The following PIEZO1 variants were observed in gnomAD, a reference collection of about 807,000 sequenced individuals.
PIEZO1 encodes piezo type mechanosensitive ion channel component 1 (Er blood group).
Under a neutral mutation model 297.2 loss-of-function variants are expected in PIEZO1, and 296 were observed. The ratio of observed to expected loss-of-function variants is 1.00; its 90% CI spans 0.91 to 1.10. The LOEUF is 1.10. Ranked by LOEUF, PIEZO1 falls within the 50% of genes least tolerant of loss-of-function variation. The pLI is 0.00. For missense variants in PIEZO1, 5,018 were observed against 3,455.5 expected (o/e 1.45, Z -11.34); for synonymous variants, 2,427 against 1,507.5 (o/e 1.61, Z -14.13).
rs34606201 is a variant in PIEZO1, at chr16:88,726,324, C to A, written c.3928G>T (p.Val1310Phe). Reference sequence around the variant, plus strand: ...GCGGTGGCCTGGAGGTCGGCCCTGACGTGCAGGTAGTAATGGCTAAGGAAG... The same window carrying A: ...GCGGTGGCCTGGAGGTCGGCCCTGAAGTGCAGGTAGTAATGGCTAAGGAAG... ...RVFLSHYYLH[V>F]RADLQATALL... is the part of the protein sequence containing the mutation. The change falls in exon 27 of 51, where the codon GTC becomes TTC. Residue 1310 changes from valine to phenylalanine, a missense_variant. Transcript: ENST00000301015. 3 of 1,550,290 alleles carry A rather than the reference C, an allele frequency of 1.9e-6. No individual in the cohort carries two copies. Among genetic ancestry groups the A allele is most frequent in the Non-Finnish European group, 2.6e-6 (3 of 1,146,910 alleles).
At chr16:88,768,660 G>A (rs985535716) in intron 1 of PIEZO1, among the ~76,000 whole-genome samples, 5 of 152,212 alleles carry the variant, frequency 3.3e-5, no homozygotes, top group Non-Finnish European at 5.9e-5. Context: ...CCTCTCAGCC[G>A]CTCCTCCCTT....
chr16:88,727,028 G>C lies in PIEZO1; in HGVS notation c.3455+11C>G, dbSNP rs547081373. 8 of 1,548,080 alleles carry C rather than the reference G, an allele frequency of 5.2e-6. No individual in the cohort carries two copies. The highest frequency in any genetic ancestry group is 7.0e-6 in the Non-Finnish European group (8 of 1,145,154). On this transcript the variant is annotated intron_variant, in intron 24 of 50. Coordinates refer to ENST00000301015, the MANE Select transcript of PIEZO1 (RefSeq NM_001142864.4). ...CAGAAGGTTCCCCGTGGAGGGTGAC[G>C]TGGAACCCACCTGCAGTGGATAAAG... is the stretch of plus-strand genomic sequence containing the variant.
In PIEZO1 at chr16:88,742,326, C is replaced by T. The variant is rs764666122; in HGVS notation, c.257G>A (p.Arg86His). The T allele has an allele frequency of 2.0e-5, 30 of 1,534,848 alleles. No individual in the cohort carries two copies. The East Asian group carries it at 2.2e-4, about 11-fold the overall frequency. Residue 86 changes from arginine to histidine, a missense_variant, in exon 3 of 51, where the codon CGC (arginine) becomes CAC (histidine). Physicochemically the swap from Arg to His is conservative, Grantham distance 29. Coordinates refer to ENST00000301015, the MANE Select transcript of PIEZO1 (RefSeq NM_001142864.4). Reference sequence around the variant, plus strand: ...GCTGGGTCCCAGGAGCTGGTCCAGGCGGGGCACAATATGCAGGCAGATCTG... The same window carrying T: ...GCTGGGTCCCAGGAGCTGGTCCAGGTGGGGCACAATATGCAGGCAGATCTG... ...ALQICLHIVP[R>H]LDQLLGPSCS...
In PIEZO1 at chr16:88,738,384, A is replaced by C; in HGVS notation, c.691T>G (p.Cys231Gly). 1 of 1,535,824 alleles carries C rather than the reference A, an allele frequency of 6.5e-7. No individual in the cohort carries two copies. The highest frequency in any genetic ancestry group is 8.7e-7 in the Non-Finnish European group (1 of 1,146,832). The change falls in exon 7 of 51, where the codon TGC (cysteine) becomes GGC (glycine). Residue 231 changes from cysteine (C) to glycine (G), a missense_variant. Physicochemically the swap from Cys to Gly is radical, Grantham distance 159. Transcript: ENST00000301015. ...SVYLLLFLALCTWWACHFPIS... is the reference protein window; with the variant it reads ...SVYLLLFLALGTWWACHFPIS... ...GGAAAGTGGCAGGCCCACCAGGTGCAGAGGGCCAGGAAGAGCAGCAGGTAG... is the reference window on the plus strand; with the variant it reads ...GGAAAGTGGCAGGCCCACCAGGTGCCGAGGGCCAGGAAGAGCAGCAGGTAG...
Position 88,732,641 on chromosome 16 carries a change from AC to A in PIEZO1, c.2755del (p.Val919CysfsTer83). ...GPVDPANWFG[V>X]RKGFPNLGYI... is the part of the protein sequence containing the mutation. The stretch of plus-strand genomic sequence containing the variant: ...GCCCAGGTTGGGGAACCCTTTCCGC[AC>A]CCCAAACCAGTTGGCAGGGTCCACG... On this transcript the variant is annotated frameshift_variant, in exon 20 of 51. Coordinates refer to ENST00000301015, the MANE Select transcript of PIEZO1 (RefSeq NM_001142864.4). LOFTEE classifies it high-confidence loss of function. 6.5e-7 allele frequency: 1 copy of A among 1,549,546 alleles called. No homozygotes were observed.
At chr16:88,727,724 C>T in intron 22 of PIEZO1, 63 bp from the exon 23 acceptor site, 1 of 777,774 alleles carries the variant, frequency 1.3e-6, no homozygotes, top group Non-Finnish European at 1.9e-6. Context: ...ACACCCGGTC[C>T]CCACCCGTTG....
Position 88,720,561 on chromosome 16 carries a change from C to T in PIEZO1, c.5802-29G>A, listed in dbSNP as rs921527274. ...CGGAAGGGGGCGCTCAGCCTGGGCC[C>T]AGTACCCGCCTCCCCACCCCCACTC... On this transcript the variant is annotated intron_variant, in intron 40 of 50. Transcript: ENST00000301015. 11 of 1,545,994 alleles carry T rather than the reference C, an allele frequency of 7.1e-6. No homozygotes were observed. The African/African-American group carries it at 1.4e-4, about 19-fold the overall frequency.
At chr16:88,745,364 T>C (rs1216662420) in intron 2 of PIEZO1, 1 of 152,134 alleles carries the variant, frequency 6.6e-6, no homozygotes, top group Non-Finnish European at 1.5e-5. Flanking sequence ...CCCCAACCCA[T>C]CCGCTGCCTG....
intron 1 of PIEZO1, among the ~76,000 whole-genome samples, chr16:88,772,138 G>A (rs141712179): frequency 1.6e-3 from 241 of 152,252 alleles, no homozygotes; most frequent in Middle Eastern, 6.8e-3. Flanking sequence ...GTCCACCTGC[G>A]GCCCCAGGCC....
chr16:88,739,312 G>T (rs1469513611), intron 5 of PIEZO1: 1 of 152,848 alleles, frequency 6.5e-6, no homozygotes, highest in Admixed American at 6.5e-5. Flanking sequence ...TGGGGAGAGA[G>T]ACCTGCCGGG....
chr16:88,725,163 A>C, intron 29 of PIEZO1, 83 bp from the exon 30 acceptor site: 1 of 984,634 alleles, frequency 1.0e-6, no homozygotes, highest in East Asian at 2.9e-5. Context: ...TCTTGGAGAC[A>C]GGATAGGTGG....
chr16:88,722,147 G>C (rs1904283978), intron 36 of PIEZO1, 71 bp downstream of exon 36: 15 of 1,521,494 alleles, frequency 9.9e-6, no homozygotes, highest in East Asian at 4.9e-5. Flanking sequence ...GTCACAGTCA[G>C]TCTCCTGCCC....
chr16:88,723,374 G>C, intron 31 of PIEZO1, 46 bp from the exon 32 acceptor site: 1 of 1,532,210 alleles, frequency 6.5e-7, no homozygotes, highest in South Asian at 1.2e-5. Context: ...CGAGCCATCA[G>C]ACCCAGGCGG....
intron 1 of PIEZO1, among the ~76,000 whole-genome samples, chr16:88,778,012 G>A (rs74035809): frequency 0.014 from 2,100 of 152,348 alleles, 43 homozygotes; most frequent in African/African-American, 0.047. Context: ...GCCTCCGGGA[G>A]CTCCTGCGGG....
Position 88,726,954 on chromosome 16 carries a change from A to G in PIEZO1, c.3460T>C (p.Tyr1154His), listed in dbSNP as rs1904488191. ...ACGGCCACCTTCAGCATGTCAAGGTAGGACCTGCCAGGCCGGAGCGTCAGG... is the reference window on the plus strand; with the variant it reads ...ACGGCCACCTTCAGCATGTCAAGGTGGGACCTGCCAGGCCGGAGCGTCAGG... ...PVPNFIHCRS[Y>H]LDMLKVAVFR... The change falls in exon 25 of 51, where the codon TAC becomes CAC. Residue 1154 changes from tyrosine (Y) to histidine (H), a missense_variant. Transcript: ENST00000301015. 1.3e-6 allele frequency: 2 copies of G among 1,550,326 alleles called. No individual in the cohort carries two copies. Among genetic ancestry groups the G allele is most frequent in the Non-Finnish European group, 1.7e-6 (2 of 1,146,852 alleles).
In PIEZO1 at chr16:88,720,152, C is replaced by T. The variant is rs1912325991; in HGVS notation, c.6081G>A (p.Val2027=). 1 of 1,550,374 alleles carries T rather than the reference C, an allele frequency of 6.5e-7. No individual in the cohort carries two copies. Among genetic ancestry groups the T allele is most frequent in the South Asian group, 1.2e-5 (1 of 84,074 alleles). The change falls in exon 42 of 51, where the codon GTG becomes GTA. Residue 2027 remains valine (V), a synonymous_variant. Transcript: ENST00000301015. ...VDRALYLRKT[V]LGKLAFQVAL... ...CCACCTGGAAGGCCAGCTTGCCCAG[C>T]ACGGTCTTGCGCAGGTAGAGGGCGC...
rs775153962 is a variant in PIEZO1 at position 88,731,796 on chromosome 16, G to C, written c.3106C>G (p.Arg1036Gly). Residue 1036 changes from arginine to glycine, a missense_variant, in exon 22 of 51, where the codon CGC (arginine) becomes GGC (glycine). Coordinates refer to ENST00000301015, the MANE Select transcript of PIEZO1 (RefSeq NM_001142864.4). ...LTRRHRQAIA[R>G]LWPNYCLFLA... The stretch of plus-strand genomic sequence containing the variant: ...AAGAGGCAGTAGTTGGGCCAGAGGC[G>C]GGCAATGGCCTGGCGGTGCCTGCGG... 1 of 1,549,184 alleles carries C rather than the reference G, an allele frequency of 6.5e-7. No homozygotes were observed. Among genetic ancestry groups the C allele is most frequent in the Non-Finnish European group, 8.7e-7 (1 of 1,146,626 alleles).
In PIEZO1 at chr16:88,726,660, T is replaced by TCAGCGGGGTCAGCGGGGC; in HGVS notation, c.3700-18_3700-17insGCCCCGCTGACCCCGCTG. The TCAGCGGGGTCAGCGGGGC allele has an allele frequency of 2.7e-6, 4 of 1,471,068 alleles. No homozygotes were observed. The highest frequency in any genetic ancestry group is 3.6e-6 in the Non-Finnish European group (4 of 1,098,830). The allele number at this position is 1,471,068 out of a possible 1,614,324, so 91.1% of individuals were successfully genotyped here. ...GGCCAGGAGCTGGGGGAGAGCAGGG[T>TCAGCGGGGTCAGCGGGGC]CAGCGGGGCCAGCGGGGCCCCAGGG... On this transcript the variant is annotated splice_polypyrimidine_tract_variant and intron_variant, in intron 25 of 50. Coordinates refer to ENST00000301015, the MANE Select transcript of PIEZO1 (RefSeq NM_001142864.4).
At chr16:88,756,436 A>C (rs890276100) in intron 1 of PIEZO1, among the ~76,000 whole-genome samples, 9 of 152,072 alleles carry the variant, frequency 5.9e-5, no homozygotes, top group Non-Finnish European at 1.2e-4. Context: ...CTCAGGAACC[A>C]CACCCACCTG....
Sources: gnomAD v4.1 joint callset for allele counts (sites outside exome capture counted in the v4.1 genomes callset) on GRCh38, gnomAD v4.1.1 for gene constraint, MANE v1.5 for transcripts, NCBI Gene and HGNC (gene_info 2026-07-23, HGNC 2026-07-21) for gene names.